Variants in CREBRF observed in about 807,000 individuals in gnomAD.
The protein encoded by CREBRF is UPF0474 protein C5orf41.
CREBRF carries 5 observed loss-of-function variants against 66.1 expected under a neutral mutation model. The ratio of observed to expected loss-of-function variants is 0.08; its 90% confidence interval spans 0.04 to 0.16. The LOEUF is 0.16. Among genes scored for constraint, CREBRF ranks in the 10% least tolerant of loss-of-function variants. The pLI, the probability that CREBRF is intolerant of heterozygous loss-of-function variation, is 1.00. For missense variants in CREBRF, 531 were observed against 744.9 expected, an observed-to-expected ratio of 0.71 and a Z score of 3.34; for synonymous variants, 229 against 264.4, an observed-to-expected ratio of 0.87 and a Z score of 1.30.
intron 4 of CREBRF, among the ~76,000 whole-genome samples, chr5:173,106,539 C>T (rs573894106): frequency 4.1e-4 from 62 of 152,244 alleles, no homozygotes; most frequent in African/African-American, 1.5e-3. Flanking sequence ...GCTACAAAAG[C>T]TTGCCTTAAC....
At chr5:173,073,457 ATT>A (rs1411794732) in intron 1 of CREBRF, among the ~76,000 whole-genome samples, 5 of 152,164 alleles carry the variant, frequency 3.3e-5, no homozygotes, top group African/African-American at 1.2e-4. Context: ...CAAACTGAAT[ATT>A]TTGTCCCCAG....
chr5:173,068,708 G>A (rs1463731634), intron 1 of CREBRF, among the ~76,000 whole-genome samples: 1 of 152,104 alleles, frequency 6.6e-6, no homozygotes, highest in Non-Finnish European at 1.5e-5. Context: ...TAAGTGTCGT[G>A]TGTTGCCTGA....
At chr5:173,064,387 TTTG>T (rs577105870) in intron 1 of CREBRF, among the ~76,000 whole-genome samples, 26 of 152,180 alleles carry the variant, frequency 1.7e-4, no homozygotes, top group South Asian at 4.1e-4. Context: ...TCATGCAGTT[TTTG>T]TTGTTGTTGT....
chr5:173,103,200 A>T (rs911691892), intron 4 of CREBRF, among the ~76,000 whole-genome samples: 3 of 152,168 alleles, frequency 2.0e-5, no homozygotes, highest in Non-Finnish European at 4.4e-5. Flanking sequence ...GACCTATTTG[A>T]CAATTATCCC....
chr5:173,093,048 C>G (rs1180445671), intron 4 of CREBRF, among the ~76,000 whole-genome samples: 2 of 152,186 alleles, frequency 1.3e-5, no homozygotes, highest in Non-Finnish European at 2.9e-5. Flanking sequence ...CTTGGAAGAT[C>G]ATAGTGCTCT....
chr5:173,059,076 G>T (rs1276798447), intron 1 of CREBRF, among the ~76,000 whole-genome samples: 2 of 151,790 alleles, frequency 1.3e-5, no homozygotes, highest in African/African-American at 4.8e-5. Flanking sequence ...GGGATTACAG[G>T]TGTGAGCTAC....
chr5:173,136,066 T>G lies in CREBRF; in HGVS notation c.*2321T>G, dbSNP rs1759582997. 1 of 152,506 alleles carries G rather than the reference T, an allele frequency of 6.6e-6. No homozygotes were observed. The highest frequency in any genetic ancestry group is 2.4e-5 in the African/African-American group (1 of 41,454). The allele number at this position is 152,506 out of a possible 1,614,324, so 9.4% of individuals were successfully genotyped here. On this transcript the variant is annotated 3_prime_UTR_variant, in exon 9 of 9. Coordinates refer to ENST00000296953, the MANE Select transcript of CREBRF (RefSeq NM_153607.3). ...TGTGTCTGGTAAATTGAAAAGTGTT[T>G]CAAACTATGGCAGTTTTGCAATCAG...
At chr5:173,104,297 A>G (rs1009102843) in intron 4 of CREBRF, among the ~76,000 whole-genome samples, 1 of 152,140 alleles carries the variant, frequency 6.6e-6, no homozygotes, top group African/African-American at 2.4e-5. Context: ...ATCTAGTTTG[A>G]GAAATATTTA....
At chr5:173,116,927 G>T (rs959076368) in intron 7 of CREBRF, among the ~76,000 whole-genome samples, 1 of 151,058 alleles carries the variant, frequency 6.6e-6, no homozygotes, top group African/African-American at 2.4e-5. Flanking sequence ...AATCTAATGG[G>T]TGTGTGATGG....
intron 1 of CREBRF, among the ~76,000 whole-genome samples, chr5:173,065,419 A>C (rs534848297): frequency 1.3e-5 from 2 of 152,226 alleles, no homozygotes; most frequent in African/African-American, 4.8e-5. Context: ...AGTCTGTTCT[A>C]TGCTGTCAGG....
At chr5:173,132,690 C>G (rs188764836) in intron 8 of CREBRF, among the ~76,000 whole-genome samples, 2 of 146,964 alleles carry the variant, frequency 1.4e-5, no homozygotes, top group African/African-American at 5.1e-5. Flanking sequence ...ACCTCCACCC[C>G]CCGGGTTCAA....
intron 2 of CREBRF, 55 bp from the exon 3 acceptor site, chr5:173,086,446 A>C: frequency 6.4e-7 from 1 of 1,566,112 alleles, no homozygotes; most frequent in Non-Finnish European, 8.7e-7. Context: ...CATATGTGAT[A>C]AATTGGTCTC....
At chr5:173,073,142 C>T (rs1282788905) in intron 1 of CREBRF, among the ~76,000 whole-genome samples, 2 of 152,150 alleles carry the variant, frequency 1.3e-5, no homozygotes, top group Non-Finnish European at 2.9e-5. Context: ...TGTAGATTTG[C>T]GAGTCTTTTA....
chr5:173,080,033 G>C (rs251239), intron 1 of CREBRF, among the ~76,000 whole-genome samples: 99,948 of 151,970 alleles, frequency 0.66, 33,354 homozygotes, highest in Middle Eastern at 0.7. Context: ...TCTTCAATGA[G>C]AGCTTATACT....
chr5:173,079,131 T>G (rs756061824), intron 1 of CREBRF, among the ~76,000 whole-genome samples: 30 of 152,178 alleles, frequency 2.0e-4, no homozygotes, highest in Non-Finnish European at 3.1e-4. Flanking sequence ...AGCAATCTAG[T>G]TATACTGTAG....
At chr5:173,117,391 A>AT (rs1561814456) in intron 7 of CREBRF, among the ~76,000 whole-genome samples, 6 of 44,660 alleles carry the variant, frequency 1.3e-4, no homozygotes, top group African/African-American at 5.2e-5. Context: ...AAAAAAAAAA[A>AT]AAATAAGTAA....
chr5:173,117,904 C>T (rs1344211415), intron 7 of CREBRF, among the ~76,000 whole-genome samples: 5 of 146,074 alleles, frequency 3.4e-5, no homozygotes, highest in African/African-American at 1.3e-4. Flanking sequence ...GACGAAGTCT[C>T]ACTCTGTTGC....
intron 3 of CREBRF, among the ~76,000 whole-genome samples, chr5:173,086,937 C>T (rs1331222856): frequency 7.2e-6 from 1 of 139,490 alleles, no homozygotes; most frequent in Non-Finnish European, 1.5e-5. Flanking sequence ...TCACCACATC[C>T]AACTAATTTT....
At chr5:173,097,767 T>G (rs1358813192) in intron 4 of CREBRF, among the ~76,000 whole-genome samples, 2 of 152,178 alleles carry the variant, frequency 1.3e-5, no homozygotes. Context: ...ATTTTATTGA[T>G]TTGAGTCTTT....
Sources: gnomAD v4.1 joint callset for allele counts (sites outside exome capture counted in the v4.1 genomes callset) on GRCh38, gnomAD v4.1.1 for gene constraint, MANE v1.5 for transcripts, NCBI Gene and HGNC (gene_info 2026-07-23, HGNC 2026-07-21) for gene names.